ELP4: variants seen among roughly 807,000 people sequenced by gnomAD.
ELP4 encodes elongator complex protein 4.
A neutral mutation model predicts 48.9 loss-of-function variants in ELP4; 51 were observed. That is an observed-to-expected ratio of 1.04 (90% CI 0.83 to 1.32). ELP4 has a LOEUF of 1.32. Among genes scored for constraint, ELP4 ranks in the 40% most tolerant of loss-of-function variants. The pLI is 0.00. For missense variants in ELP4, 519 were observed against 514.6 expected, an observed-to-expected ratio of 1.01 and a Z score of -0.08; for synonymous variants, 210 against 189.2, an observed-to-expected ratio of 1.11 and a Z score of -0.90.
chr11:31,586,590 A>G (rs1466529758), intron 3 of ELP4, among the ~76,000 whole-genome samples: 1 of 152,044 alleles, frequency 6.6e-6, no homozygotes, highest in Non-Finnish European at 1.5e-5. Flanking sequence ...ATTATATACA[A>G]CCACAGTGTT....
chr11:31,627,044 T>A, intron 5 of ELP4, 66 bp from the exon 6 acceptor site: 1 of 857,446 alleles, frequency 1.2e-6, no homozygotes, highest in Admixed American at 1.9e-5. Context: ...TAATGTTTTA[T>A]CATAGATTGT....
intron 5 of ELP4, among the ~76,000 whole-genome samples, chr11:31,617,191 A>G (rs1484739173): frequency 6.6e-6 from 1 of 152,160 alleles, no homozygotes; most frequent in Non-Finnish European, 1.5e-5. Context: ...GAACTGATAA[A>G]TAAAATATAC....
Position 31,513,247 on chromosome 11 carries a change from T to G in ELP4, c.223+3240T>G, listed in dbSNP as rs541194245. ...GCTATGTAAAATTATTTCATGTGACTTAATCTATAGAACTATTCACAGTTC... is the reference window on the plus strand; with the variant it reads ...GCTATGTAAAATTATTTCATGTGACGTAATCTATAGAACTATTCACAGTTC... On this transcript the variant is annotated intron_variant, in intron 1 of 9. Transcript: ENST00000640961. Among the ~76,000 whole-genome samples, 40 of 152,334 alleles carry G rather than the reference T, an allele frequency of 2.6e-4. 1 individual carries two copies. Among genetic ancestry groups the G allele is most frequent in the African/African-American group, 9.4e-4 (39 of 41,584 alleles).
At chr11:31,674,821 A>T (rs1945885408) in intron 9 of ELP4, among the ~76,000 whole-genome samples, 1 of 152,240 alleles carries the variant, frequency 6.6e-6, no homozygotes, top group African/African-American at 2.4e-5. Flanking sequence ...TTTCTGAAAG[A>T]ATTTACATTT....
intron 5 of ELP4, among the ~76,000 whole-genome samples, chr11:31,620,211 T>C (rs1389179972): frequency 4.6e-5 from 7 of 152,008 alleles, no homozygotes; most frequent in Admixed American, 2.6e-4. Context: ...TTTAGCTACA[T>C]TGAGGCAAGT....
intron 9 of ELP4, among the ~76,000 whole-genome samples, chr11:31,751,871 C>T (rs1235078359): frequency 1.3e-5 from 2 of 152,132 alleles, no homozygotes; most frequent in Non-Finnish European, 2.9e-5. Flanking sequence ...CAAGTCCTGT[C>T]AATGCTACCC....
chr11:31,576,020 A>G (rs1013713144), intron 3 of ELP4, among the ~76,000 whole-genome samples: 3 of 152,240 alleles, frequency 2.0e-5, no homozygotes, highest in African/African-American at 7.2e-5. Context: ...GTCAAGACCC[A>G]TCAGTGTGCT....
intron 9 of ELP4, among the ~76,000 whole-genome samples, chr11:31,665,022 T>C (rs1945641744): frequency 6.6e-6 from 1 of 152,306 alleles, no homozygotes; most frequent in East Asian, 1.9e-4. Context: ...TCTTTTATGC[T>C]GCCAACCAAA....
chr11:31,675,014 A>C (rs538613364), intron 9 of ELP4, among the ~76,000 whole-genome samples: 1 of 152,180 alleles, frequency 6.6e-6, no homozygotes, highest in South Asian at 2.1e-4. Flanking sequence ...AGCTTTGGAA[A>C]TTATGGAAGC....
At chr11:31,776,053 AGATGGGAG>A (rs1373899362) in intron 9 of ELP4, among the ~76,000 whole-genome samples, 1 of 148,844 alleles carries the variant, frequency 6.7e-6, no homozygotes, top group Non-Finnish European at 1.5e-5. Flanking sequence ...TGGGAGGAGA[AGATGGGAG>A]GGTGGCTTCA....
chr11:31,627,057 A>G, intron 5 of ELP4, 53 bp from the exon 6 acceptor site: 1 of 953,430 alleles, frequency 1.0e-6, no homozygotes. Context: ...TAGATTGTGT[A>G]CTTCTTATGT....
intron 9 of ELP4, among the ~76,000 whole-genome samples, chr11:31,774,488 AG>A (rs1948206594): frequency 6.6e-6 from 1 of 152,220 alleles, no homozygotes; most frequent in Admixed American, 6.5e-5. Context: ...TGTGGGCTGC[AG>A]GTAGTCCCTT....
intron 7 of ELP4, among the ~76,000 whole-genome samples, chr11:31,640,557 TTAA>T (rs1945074118): frequency 6.6e-6 from 1 of 151,974 alleles, no homozygotes; most frequent in South Asian, 2.1e-4. Context: ...TCTTGCTTCT[TTAA>T]TAATGTTTTC....
chr11:31,754,998 G>A (rs1290222663), intron 9 of ELP4, among the ~76,000 whole-genome samples: 3 of 152,146 alleles, frequency 2.0e-5, no homozygotes, highest in Admixed American at 2.0e-4. Context: ...AGAAGTGTTT[G>A]ATTGCTGGAT....
Position 31,719,954 on chromosome 11 carries a change from A to G in ELP4, c.1144-63439A>G, listed in dbSNP as rs561706660. 8 of 152,902 alleles carry G rather than the reference A, an allele frequency of 5.2e-5. No homozygotes were observed. The South Asian group carries it at 1.7e-3, about 32-fold the overall frequency. The allele number at this position is 152,902 out of a possible 1,614,324, so 9.5% of individuals were successfully genotyped here. ...TTTTCACAATAAAATATTGGGAACA[A>G]TCATAATGAGACACCACTACATAAT... On this transcript the variant is annotated intron_variant, in intron 9 of 9. Transcript: ENST00000640961.
intron 9 of ELP4, among the ~76,000 whole-genome samples, chr11:31,756,812 C>T (rs1476166721): frequency 6.6e-6 from 1 of 152,162 alleles, no homozygotes; most frequent in Non-Finnish European, 1.5e-5. Flanking sequence ...ATTTATTTTA[C>T]CTGATTATCT....
chr11:31,571,362 G>T (rs1370863974), intron 3 of ELP4, among the ~76,000 whole-genome samples: 1 of 152,112 alleles, frequency 6.6e-6, no homozygotes, highest in Non-Finnish European at 1.5e-5. Context: ...TCATGAGATG[G>T]CAGCAATTAG....
chr11:31,611,822 A>G (rs1166516118), intron 5 of ELP4, among the ~76,000 whole-genome samples: 1 of 152,222 alleles, frequency 6.6e-6, no homozygotes, highest in Non-Finnish European at 1.5e-5. Context: ...ATGTAGTTAA[A>G]TATAAAGAAA....
intron 9 of ELP4, among the ~76,000 whole-genome samples, chr11:31,670,894 T>A (rs890316800): frequency 2.6e-5 from 4 of 152,100 alleles, no homozygotes; most frequent in Non-Finnish European, 5.9e-5. Context: ...ACTTTTTATT[T>A]ACTGTTAACT....
Sources: allele counts gnomAD v4.1 joint callset (sites outside exome capture counted in the v4.1 genomes callset), GRCh38; gene constraint gnomAD v4.1.1; transcripts MANE v1.5; gene names NCBI Gene and HGNC (gene_info 2026-07-23, HGNC 2026-07-21).